The following MAP3K21 variants were observed in gnomAD, a reference collection of about 807,000 sequenced individuals.
MAP3K21 encodes the protein mitogen-activated protein kinase kinase kinase MLK4.
In MAP3K21, 63 loss-of-function variants were observed where a neutral mutation model predicts 86.1. The ratio of observed to expected loss-of-function variants is 0.73; its 90% CI spans 0.60 to 0.90. MAP3K21 has a LOEUF of 0.90. Among genes scored for constraint, MAP3K21 ranks in the 40% least tolerant of loss-of-function variants. MAP3K21 has a pLI of 0.00. For missense variants in MAP3K21, 1,220 were observed against 1,367.7 expected (o/e 0.89, Z 1.70); for synonymous variants, 558 against 564.8 (o/e 0.99, Z 0.17).
At chr1:233,348,039 A>T (rs1558454312) in intron 2 of MAP3K21, among the ~76,000 whole-genome samples, 1 of 152,170 alleles carries the variant, frequency 6.6e-6, no homozygotes, top group East Asian at 1.9e-4. Context: ...GTACAGTTTG[A>T]TGGCATTTTG....
At chr1:233,368,929 A>G (rs1464670898) in intron 5 of MAP3K21, among the ~76,000 whole-genome samples, 2 of 47,876 alleles carry the variant, frequency 4.2e-5, no homozygotes, top group African/African-American at 1.3e-4. Flanking sequence ...TCATTCAGCA[A>G]AGTTTTCTAA....
rs1558451245 is a variant in MAP3K21, at chr1:233,339,377, TCTTCTC to T, written c.806-7059_806-7054del. On this transcript the variant is annotated intron_variant, in intron 1 of 9. Coordinates refer to ENST00000366624, the MANE Select transcript of MAP3K21 (RefSeq NM_032435.3). ...CTCTTCTCCTTCTCCTCCTTCTCCT[TCTTCTC>T]CTTCTTCTCCTCCTTCTCCTCCTCC... Among the ~76,000 whole-genome samples, 217 of 50,636 alleles carry T rather than the reference TCTTCTC, an allele frequency of 4.3e-3. 6 individuals carry two copies. Among genetic ancestry groups the T allele is most frequent in the Non-Finnish European group, 5.9e-3 (145 of 24,740 alleles). 33.2% of individuals were successfully genotyped at this position (50,636 alleles called of 152,430 possible). A position where few individuals can be genotyped will look rare whatever the true frequency, so the allele number is the denominator to read the frequency against.
chr1:233,336,619 A>G (rs1662920102), intron 1 of MAP3K21, among the ~76,000 whole-genome samples: 1 of 152,218 alleles, frequency 6.6e-6, no homozygotes, highest in Non-Finnish European at 1.5e-5. Context: ...TATTTCACTT[A>G]TAATCCCACT....
At chr1:233,333,723 G>A (rs1294297) in intron 1 of MAP3K21, among the ~76,000 whole-genome samples, 118,357 of 152,202 alleles carry the variant, frequency 0.78, 46,284 homozygotes, top group East Asian at 0.99. Context: ...ATCAAAGCAG[G>A]GTAAAGGAGA....
chr1:233,328,853 G>T lies in MAP3K21; in HGVS notation c.805+20G>T. 6.7e-7 allele frequency: 1 copy of T among 1,487,326 alleles called. No homozygotes were observed. The highest frequency in any genetic ancestry group is 2.8e-5 in the East Asian group (1 of 35,682). 92.1% of individuals were successfully genotyped at this position (1,487,326 alleles called of 1,614,324 possible). A position where few individuals can be genotyped will look rare whatever the true frequency, so the allele number is the denominator to read the frequency against. ...GCAACAGTAAGTGGGGCCAGAGGGAGGTGGGGGAAGACTACCTCCGTGCCA... is the reference window on the plus strand; with the variant it reads ...GCAACAGTAAGTGGGGCCAGAGGGATGTGGGGGAAGACTACCTCCGTGCCA... On this transcript the variant is annotated intron_variant, in intron 1 of 9. Transcript: ENST00000366624. This position sits in a 1 kb window ranked among gnomAD's most constrained non-coding sequence, Gnocchi z 8.7.
At chr1:233,345,931 A>T (rs1297859368) in intron 1 of MAP3K21, among the ~76,000 whole-genome samples, 1 of 152,066 alleles carries the variant, frequency 6.6e-6, no homozygotes, top group African/African-American at 2.4e-5. Context: ...CTACATTTTG[A>T]GCTCCAGTAA....
chr1:233,376,386 T>C (rs1350326222), intron 7 of MAP3K21, 44 bp from the exon 8 acceptor site: 3 of 1,358,762 alleles, frequency 2.2e-6, no homozygotes, highest in Non-Finnish European at 3.2e-6. Context: ...AATTGGTGTG[T>C]TGTGTGCTTC....
chr1:233,330,490 G>A (rs1465037649), intron 1 of MAP3K21, among the ~76,000 whole-genome samples: 26 of 152,146 alleles, frequency 1.7e-4, no homozygotes, highest in Admixed American at 1.6e-3. Flanking sequence ...GCCATAGAAT[G>A]GGTGACTTGT....
At chr1:233,361,165 A>C (rs1308146511) in intron 4 of MAP3K21, among the ~76,000 whole-genome samples, 1 of 152,232 alleles carries the variant, frequency 6.6e-6, no homozygotes, top group Non-Finnish European at 1.5e-5. Context: ...ATAATTTTAA[A>C]ACTTTGTAGA....
At chr1:233,347,683 T>C (rs892401264) in intron 2 of MAP3K21, among the ~76,000 whole-genome samples, 2 of 152,060 alleles carry the variant, frequency 1.3e-5, no homozygotes, top group Non-Finnish European at 1.5e-5. Context: ...TAACATTGGG[T>C]ACTCAGGGAT....
rs1663982144 is a variant in MAP3K21, at chr1:233,385,120, A to G, written c.*2409A>G. 1 of 152,196 alleles carries G rather than the reference A, an allele frequency of 6.6e-6. No individual in the cohort carries two copies. Among genetic ancestry groups the G allele is most frequent in the Non-Finnish European group, 1.5e-5 (1 of 68,032 alleles). 9.4% of individuals were successfully genotyped at this position (152,196 alleles called of 1,614,324 possible). The stretch of plus-strand genomic sequence containing the variant: ...CATATGTTGTCTATTTTTTTAATAA[A>G]CTTTTATAGCTGGTCTATTTGCTCA... On this transcript the variant is annotated 3_prime_UTR_variant, in exon 10 of 10. Coordinates refer to ENST00000366624, the MANE Select transcript of MAP3K21 (RefSeq NM_032435.3).
intron 4 of MAP3K21, among the ~76,000 whole-genome samples, chr1:233,358,596 A>G (rs989220371): frequency 6.6e-6 from 1 of 152,060 alleles, no homozygotes; most frequent in Non-Finnish European, 1.5e-5. Flanking sequence ...ATAAAGCTTC[A>G]AATCATAGAA....
At chr1:233,347,715 G>T (rs1483753658) in intron 2 of MAP3K21, among the ~76,000 whole-genome samples, 2 of 152,120 alleles carry the variant, frequency 1.3e-5, no homozygotes, top group African/African-American at 4.8e-5. Flanking sequence ...AACAGTAGAC[G>T]CTGGGGACTA....
intron 7 of MAP3K21, 65 bp downstream of exon 7, chr1:233,376,131 C>G: frequency 7.4e-7 from 1 of 1,351,422 alleles, no homozygotes; most frequent in Non-Finnish European, 1.0e-6. Flanking sequence ...GTGTTAATAT[C>G]ACATCAGCCA....
At chr1:233,364,251 C>T (rs536379223) in intron 5 of MAP3K21, among the ~76,000 whole-genome samples, 20 of 152,158 alleles carry the variant, frequency 1.3e-4, no homozygotes, top group Admixed American at 3.9e-4. Context: ...GTCTGTCTTA[C>T]GTGTCAGTCA....
In MAP3K21 at chr1:233,379,036, A is replaced by G; in HGVS notation, c.2030A>G (p.Asp677Gly). 1 of 1,614,238 alleles carries G rather than the reference A, an allele frequency of 6.2e-7. No individual in the cohort carries two copies. The highest frequency in any genetic ancestry group is 8.5e-7 in the Non-Finnish European group (1 of 1,180,044). ...TACATTGATCTACCTCTTGGGAAAG[A>G]TGCTCAGAGAGAGAATCCTGCAGAA... ...QAYIDLPLGK[D>G]AQRENPAEAE... is the part of the protein sequence containing the mutation. The change falls in exon 9 of 10, where the codon GAT becomes GGT. Residue 677 changes from aspartate to glycine, a missense_variant. Transcript: ENST00000366624.
rs1244492477 is a variant in MAP3K21, at chr1:233,362,180, A to G, written c.1439A>G (p.Asn480Ser). 1 of 1,614,224 alleles carries G rather than the reference A, an allele frequency of 6.2e-7. No individual in the cohort carries two copies. The highest frequency in any genetic ancestry group is 1.1e-5 in the South Asian group (1 of 91,078). Residue 480 changes from asparagine to serine, a missense_variant, in exon 5 of 10, where the codon AAC (asparagine) becomes AGC (serine). Coordinates refer to ENST00000366624, the MANE Select transcript of MAP3K21 (RefSeq NM_032435.3). Reference protein sequence around the residue: ...REIDVLERELNILIFQLNQEK... With the variant: ...REIDVLERELSILIFQLNQEK... ...ATCGACGTGCTGGAGCGGGAACTTA[A>G]CATTCTGATATTCCAGCTAAACCAG...
At chr1:233,339,868 C>T (rs1326510495) in intron 1 of MAP3K21, among the ~76,000 whole-genome samples, 1 of 152,092 alleles carries the variant, frequency 6.6e-6, no homozygotes, top group African/African-American at 2.4e-5. Context: ...TAGCAGCTGA[C>T]TTAACATGAA....
chr1:233,368,382 G>A (rs554996789), intron 5 of MAP3K21, among the ~76,000 whole-genome samples: 1 of 152,294 alleles, frequency 6.6e-6, no homozygotes, highest in South Asian at 2.1e-4. Context: ...GCTAGGTGCA[G>A]TGACTCACGC....
Sources: allele counts gnomAD v4.1 joint callset (sites outside exome capture counted in the v4.1 genomes callset), GRCh38; gene constraint gnomAD v4.1.1; non-coding constraint Gnocchi (gnomAD v3.1); transcripts MANE v1.5; gene names NCBI Gene and HGNC (gene_info 2026-07-23, HGNC 2026-07-21).